The following TSPAN12 variants were observed in gnomAD, a reference collection of about 807,000 sequenced individuals.
The protein encoded by TSPAN12 is tetraspanin 12, also known as tetraspanin-12.
A neutral mutation model predicts 39.2 loss-of-function variants in TSPAN12; 19 were observed. The ratio of observed to expected loss-of-function variants is 0.49; its 90% CI spans 0.34 to 0.71. The LOEUF is 0.71. Among genes scored for constraint, TSPAN12 ranks in the 30% least tolerant of loss-of-function variants. The pLI is 0.01. For missense variants in TSPAN12, 314 were observed against 359.9 expected (o/e 0.87, Z 1.03); for synonymous variants, 119 against 124.8 (o/e 0.95, Z 0.31).
Position 120,835,707 on chromosome 7 carries a change from C to G in TSPAN12, c.285+3070G>C, listed in dbSNP as rs549598723. Among the ~76,000 whole-genome samples, 39 of 152,234 alleles carry G rather than the reference C, an allele frequency of 2.6e-4. 1 individual carries two copies. The South Asian group carries it at 8.1e-3, about 32-fold the overall frequency. ...TAAAAAAAATTCAGGTAAAACTCTA[C>G]AGTGTCTGGCACTGTAAGTACTCAA... On this transcript the variant is annotated intron_variant, in intron 4 of 7. Transcript: ENST00000222747.
intron 2 of TSPAN12, 87 bp downstream of exon 2, chr7:120,856,611 T>C: frequency 1.5e-6 from 2 of 1,326,258 alleles, no homozygotes. Flanking sequence ...AATTAATGCT[T>C]AGCCATGCCC....
intron 2 of TSPAN12, among the ~76,000 whole-genome samples, chr7:120,849,699 T>C (rs1317761012): frequency 6.6e-6 from 1 of 152,216 alleles, no homozygotes; most frequent in Non-Finnish European, 1.5e-5. Flanking sequence ...TGGCTAATCT[T>C]GAAAATGGGA....
intron 3 of TSPAN12, 151 bp from the exon 4 acceptor site, chr7:120,839,063 T>A: frequency 1.2e-6 from 1 of 869,362 alleles, no homozygotes; most frequent in Non-Finnish European, 1.8e-6. Context: ...AAAATCACTG[T>A]GCTATTGTTT....
At chr7:120,836,158 A>C (rs1310350839) in intron 4 of TSPAN12, among the ~76,000 whole-genome samples, 1 of 152,188 alleles carries the variant, frequency 6.6e-6, no homozygotes, top group Non-Finnish European at 1.5e-5. Flanking sequence ...AGGAATAGGC[A>C]GCTATTTAGA....
chr7:120,789,542 C>A (rs925275163), intron 7 of TSPAN12, among the ~76,000 whole-genome samples: 1 of 152,120 alleles, frequency 6.6e-6, no homozygotes, highest in Admixed American at 6.5e-5. Context: ...GACAACTCAC[C>A]AAAATTTAAG....
chr7:120,835,146 T>C lies in TSPAN12; in HGVS notation c.285+3631A>G, dbSNP rs1794453330. 2.0e-5 allele frequency among the ~76,000 whole-genome samples: 3 copies of C among 152,202 alleles called. No homozygotes were observed. The South Asian group carries it at 6.2e-4, about 32-fold the overall frequency. On this transcript the variant is annotated intron_variant, in intron 4 of 7. Transcript: ENST00000222747. ...TGAAGTTGTTTGTAGTCTGGTAGTCTGGGCTGATTATTAAAAAGAAAAGGA... is the reference window on the plus strand; with the variant it reads ...TGAAGTTGTTTGTAGTCTGGTAGTCCGGGCTGATTATTAAAAAGAAAAGGA...
chr7:120,796,207 C>T (rs571727804), intron 7 of TSPAN12, among the ~76,000 whole-genome samples: 6 of 152,252 alleles, frequency 3.9e-5, no homozygotes, highest in African/African-American at 1.4e-4. Flanking sequence ...CTCTTGGGGG[C>T]CCATTTGGGC....
intron 4 of TSPAN12, among the ~76,000 whole-genome samples, chr7:120,823,972 G>A (rs1378588502): frequency 6.6e-6 from 1 of 152,164 alleles, no homozygotes; most frequent in Admixed American, 6.5e-5. Context: ...AAAATTGTAA[G>A]TGGTGCAATT....
chr7:120,814,703 C>T (rs1031427597), intron 5 of TSPAN12, among the ~76,000 whole-genome samples: 1 of 152,148 alleles, frequency 6.6e-6, no homozygotes, highest in Non-Finnish European at 1.5e-5. Flanking sequence ...CCAAACATGA[C>T]TAGTAAAAAT....
chr7:120,804,066 C>G (rs1190452942), intron 7 of TSPAN12, among the ~76,000 whole-genome samples: 1 of 152,036 alleles, frequency 6.6e-6, no homozygotes, highest in Non-Finnish European at 1.5e-5. Flanking sequence ...GTATTAATCA[C>G]TAAAGCAGAT....
At chr7:120,840,563 T>C (rs1252102233) in intron 2 of TSPAN12, among the ~76,000 whole-genome samples, 9 of 152,238 alleles carry the variant, frequency 5.9e-5, no homozygotes, top group East Asian at 5.8e-4. Flanking sequence ...ATTAAAATGA[T>C]AGTAATAGTA....
At chr7:120,850,654 T>A (rs569965125) in intron 2 of TSPAN12, among the ~76,000 whole-genome samples, 2 of 152,028 alleles carry the variant, frequency 1.3e-5, no homozygotes, top group African/African-American at 4.8e-5. Flanking sequence ...ACAATGTATA[T>A]ATAAAAAGGT....
At chr7:120,806,728 C>CA (rs1434400258) in intron 6 of TSPAN12, 36 bp from the exon 7 acceptor site, 1 of 1,612,158 alleles carries the variant, frequency 6.2e-7, no homozygotes, top group Non-Finnish European at 8.5e-7. Flanking sequence ...TCAGAAACCA[C>CA]AAAAATATTT....
chr7:120,789,006 G>C, intron 7 of TSPAN12, 109 bp from the exon 8 acceptor site: 2 of 1,138,882 alleles, frequency 1.8e-6, no homozygotes, highest in Non-Finnish European at 2.6e-6. Context: ...GACTAACTGG[G>C]ATCATAAAGT....
At position 120,799,921 on chromosome 7, in the gene TSPAN12, T is replaced by C. The variant is rs1379365459; in HGVS notation, c.612+6628A>G. 2.1e-5 allele frequency among the ~76,000 whole-genome samples: 3 copies of C among 144,296 alleles called. No individual in the cohort carries two copies. The East Asian group carries it at 5.9e-4, about 28-fold the overall frequency. 94.7% of individuals were successfully genotyped at this position (144,296 alleles called of 152,430 possible). A position where few individuals can be genotyped will look rare whatever the true frequency, so the allele number is the denominator to read the frequency against. ...TATTTAATATATTTATTATATTAAA[T>C]ATTTATTATAATAGAATGTTGTATA... On this transcript the variant is annotated intron_variant, in intron 7 of 7. Transcript: ENST00000222747.
At chr7:120,842,642 C>T (rs1794600038) in intron 2 of TSPAN12, among the ~76,000 whole-genome samples, 1 of 152,068 alleles carries the variant, frequency 6.6e-6, no homozygotes, top group African/African-American at 2.4e-5. Context: ...CACTACCCTA[C>T]ACAGCATGTA....
chr7:120,840,611 A>G (rs1158505453), intron 2 of TSPAN12, among the ~76,000 whole-genome samples: 1 of 152,258 alleles, frequency 6.6e-6, no homozygotes, highest in African/African-American at 2.4e-5. Flanking sequence ...ATAAAGCGCT[A>G]AAGTATATAA....
intron 4 of TSPAN12, among the ~76,000 whole-genome samples, chr7:120,822,331 T>C (rs1007894791): frequency 1.3e-5 from 2 of 152,036 alleles, no homozygotes; most frequent in African/African-American, 2.4e-5. Context: ...GCTTCCCTGA[T>C]ACCACCACCC....
At chr7:120,814,144 T>C in intron 5 of TSPAN12, 1 of 454,924 alleles carries the variant, frequency 2.2e-6, no homozygotes, top group African/African-American at 2.0e-5. Flanking sequence ...TTCAAAACAG[T>C]CTCGAAGCAC....
Sources: allele counts gnomAD v4.1 joint callset (sites outside exome capture counted in the v4.1 genomes callset), GRCh38; gene constraint gnomAD v4.1.1; transcripts MANE v1.5; gene names NCBI Gene and HGNC (gene_info 2026-07-23, HGNC 2026-07-21).